SYT1: variants seen among roughly 807,000 people sequenced by gnomAD.
The protein encoded by SYT1 is synaptotagmin-1.
SYT1 carries 8 observed loss-of-function variants against 44.8 expected under a neutral mutation model. The ratio of observed to expected loss-of-function variants is 0.18; its 90% CI spans 0.10 to 0.32. The LOEUF is 0.32. Among genes scored for constraint, SYT1 ranks in the 10% least tolerant of loss-of-function variants. SYT1 has a pLI of 1.00. For missense variants in SYT1, 286 were observed against 509.3 expected, an observed-to-expected ratio of 0.56 and a Z score of 4.22; for synonymous variants, 154 against 188.8, an observed-to-expected ratio of 0.82 and a Z score of 1.51.
chr12:79,011,037 G>C (rs1331579313), intron 2 of SYT1, among the ~76,000 whole-genome samples: 1 of 152,148 alleles, frequency 6.6e-6, no homozygotes, highest in African/African-American at 2.4e-5. Flanking sequence ...AATCATTGTT[G>C]AGAAGTTCTT....
At chr12:79,050,552 A>G (rs748396019) in intron 3 of SYT1, among the ~76,000 whole-genome samples, 4 of 152,062 alleles carry the variant, frequency 2.6e-5, no homozygotes, top group Non-Finnish European at 4.4e-5. Flanking sequence ...AAAATCATTC[A>G]GATGCTCAGA....
chr12:79,280,067 C>A (rs79101549), intron 4 of SYT1, among the ~76,000 whole-genome samples: 1,937 of 152,046 alleles, frequency 0.013, 16 homozygotes, highest in Middle Eastern at 0.02. Context: ...ACCATACTAT[C>A]CAAAGCAATC....
chr12:78,936,832 G>T (rs976246360), intron 1 of SYT1, among the ~76,000 whole-genome samples: 2 of 152,088 alleles, frequency 1.3e-5, no homozygotes, highest in African/African-American at 4.8e-5. Context: ...TTTGTTAATT[G>T]TCTTTACCAA....
intron 3 of SYT1, among the ~76,000 whole-genome samples, chr12:79,060,216 A>G (rs557790531): frequency 1.3e-5 from 2 of 152,128 alleles, no homozygotes; most frequent in Non-Finnish European, 2.9e-5. Flanking sequence ...ACTTTTTTTC[A>G]GAAAAGTTAT....
intron 2 of SYT1, among the ~76,000 whole-genome samples, chr12:79,017,399 G>A (rs1170793096): frequency 1.3e-5 from 2 of 152,072 alleles, no homozygotes; most frequent in Non-Finnish European, 2.9e-5. Flanking sequence ...TAATGGTAGA[G>A]TCTCTAATTG....
At chr12:78,929,974 T>C (rs920131557) in intron 1 of SYT1, among the ~76,000 whole-genome samples, 6 of 152,104 alleles carry the variant, frequency 3.9e-5, no homozygotes, top group Admixed American at 6.6e-5. Context: ...TGGGCTTTTT[T>C]AGATTACACT....
rs1266285102 is a variant in SYT1 at position 78,957,102 on chromosome 12, G to A, written c.-216-20697G>A. On this transcript the variant is annotated intron_variant, in intron 1 of 10. Coordinates refer to ENST00000261205, the MANE Select transcript of SYT1 (RefSeq NM_005639.3). ...TCCACTGTTTGAGGGAGACTGATGG[G>A]CAAACATCTGCTTAGTTTTTCTATC... Among the ~76,000 whole-genome samples the A allele has an allele frequency of 2.0e-5, 3 of 152,142 alleles. No individual in the cohort carries two copies. In the East Asian group the frequency reaches 5.8e-4, roughly 29 times the overall value.
At chr12:79,203,773 C>A (rs931346351) in intron 3 of SYT1, among the ~76,000 whole-genome samples, 4 of 152,096 alleles carry the variant, frequency 2.6e-5, no homozygotes, top group Non-Finnish European at 4.4e-5. Flanking sequence ...TGTCTCATGT[C>A]CCCAAATTAA....
intron 2 of SYT1, among the ~76,000 whole-genome samples, chr12:78,991,004 C>T (rs893620352): frequency 6.6e-6 from 1 of 152,082 alleles, no homozygotes; most frequent in Non-Finnish European, 1.5e-5. Flanking sequence ...TAAGGCACAG[C>T]AGTTTCAAGA....
chr12:78,873,748 A>T (rs1873934080), intron 1 of SYT1, among the ~76,000 whole-genome samples: 1 of 151,630 alleles, frequency 6.6e-6, no homozygotes, highest in Non-Finnish European at 1.5e-5. Flanking sequence ...GAATCTATTG[A>T]TACTTTTTAT....
intron 4 of SYT1, among the ~76,000 whole-genome samples, chr12:79,259,339 C>G (rs1164342578): frequency 6.6e-6 from 1 of 152,144 alleles, no homozygotes; most frequent in African/African-American, 2.4e-5. Flanking sequence ...CAATACCTGA[C>G]ATTAAATTGT....
At chr12:79,343,716 A>G (rs1037813359) in intron 8 of SYT1, among the ~76,000 whole-genome samples, 3 of 152,222 alleles carry the variant, frequency 2.0e-5, no homozygotes, top group Non-Finnish European at 4.4e-5. Context: ...TATAAATCAT[A>G]TATATATTGT....
At chr12:79,101,137 G>A (rs1736023689) in intron 3 of SYT1, among the ~76,000 whole-genome samples, 1 of 152,080 alleles carries the variant, frequency 6.6e-6, no homozygotes, top group Non-Finnish European at 1.5e-5. Flanking sequence ...TGTAAGGTAA[G>A]AACAGATATT....
At chr12:78,963,541 G>A (rs1411144028) in intron 1 of SYT1, among the ~76,000 whole-genome samples, 1 of 152,016 alleles carries the variant, frequency 6.6e-6, no homozygotes, top group Non-Finnish European at 1.5e-5. Context: ...AAGACATACA[G>A]TTAGCTAGCA....
chr12:79,366,131 A>G (rs140608258), intron 9 of SYT1, among the ~76,000 whole-genome samples: 4 of 152,358 alleles, frequency 2.6e-5, no homozygotes, highest in African/African-American at 9.6e-5. Context: ...ATTTTACAGC[A>G]CTGTCTTTAA....
chr12:79,447,906 T>G (rs1870826052), intron 10 of SYT1, among the ~76,000 whole-genome samples: 1 of 152,202 alleles, frequency 6.6e-6, no homozygotes, highest in South Asian at 2.1e-4. Flanking sequence ...CAGCTGGTTC[T>G]TAATCTGGCC....
chr12:79,245,933 AGGG>A (rs1565873106), intron 4 of SYT1, among the ~76,000 whole-genome samples: 18 of 152,234 alleles, frequency 1.2e-4, no homozygotes, highest in Non-Finnish European at 2.2e-4. Flanking sequence ...TGGCCTGAGC[AGGG>A]CATAATTGAG....
intron 1 of SYT1, among the ~76,000 whole-genome samples, chr12:78,972,477 A>G (rs1868445230): frequency 6.6e-6 from 1 of 151,840 alleles, no homozygotes; most frequent in East Asian, 1.9e-4. Context: ...ACGAACACAC[A>G]GAAGTTAAAA....
chr12:79,254,759 A>G (rs1043603441), intron 4 of SYT1, among the ~76,000 whole-genome samples: 1 of 152,200 alleles, frequency 6.6e-6, no homozygotes, highest in African/African-American at 2.4e-5. Context: ...GTTGATTCCA[A>G]TCCTTATGGA....
Sources: allele counts gnomAD v4.1 joint callset (sites outside exome capture counted in the v4.1 genomes callset), GRCh38; gene constraint gnomAD v4.1.1; transcripts MANE v1.5; gene names NCBI Gene and HGNC (gene_info 2026-07-23, HGNC 2026-07-21).